The following FMNL2 variants were observed in gnomAD, a reference collection of about 807,000 sequenced individuals.
FMNL2 encodes formin like 2, also known as formin-like protein 2.
In FMNL2, 51 loss-of-function variants were observed where a neutral mutation model predicts 130.2. The ratio of observed to expected loss-of-function variants is 0.39; its 90% CI spans 0.31 to 0.49. FMNL2 has a LOEUF of 0.49. Ranked by LOEUF, FMNL2 falls within the 20% of genes least tolerant of loss-of-function variation. FMNL2 has a pLI of 0.85. For synonymous variants in FMNL2, 465 were observed against 467.1 expected (o/e 1.00, Z 0.06); for missense variants, 977 against 1,316.2 (o/e 0.74, Z 3.99).
chr2:152,488,728 C>T (rs1402112608), intron 1 of FMNL2, among the ~76,000 whole-genome samples: 3 of 152,136 alleles, frequency 2.0e-5, no homozygotes, highest in Non-Finnish European at 4.4e-5. Flanking sequence ...TGCCTTTGAG[C>T]TAAGTTAGAC....
At chr2:152,496,257 T>C (rs549069781) in intron 1 of FMNL2, among the ~76,000 whole-genome samples, 1 of 152,300 alleles carries the variant, frequency 6.6e-6, no homozygotes, top group African/African-American at 2.4e-5. Context: ...CTTTGTTCTT[T>C]ATGATTTTGA....
chr2:152,589,183 C>A (rs1697247561), intron 9 of FMNL2, among the ~76,000 whole-genome samples: 1 of 151,708 alleles, frequency 6.6e-6, no homozygotes, highest in Non-Finnish European at 1.5e-5. Context: ...ATCTGTTGTA[C>A]AAATGTAGAG....
At chr2:152,429,722 A>T (rs112996125) in intron 1 of FMNL2, among the ~76,000 whole-genome samples, 2,469 of 151,800 alleles carry the variant, frequency 0.016, 67 homozygotes, top group African/African-American at 0.057. Context: ...TTAGAAATTG[A>T]TGCTCTCAGA....
chr2:152,436,173 C>CTT (rs35939908), intron 1 of FMNL2, among the ~76,000 whole-genome samples: 124 of 146,792 alleles, frequency 8.4e-4, no homozygotes, highest in African/African-American at 2.9e-3. Context: ...TTTTATTTTT[C>CTT]TTTTTTTTTT....
intron 1 of FMNL2, among the ~76,000 whole-genome samples, chr2:152,364,261 GTTTTTTTTTTTTTTTT>G (rs869062341): frequency 1.2e-4 from 3 of 24,460 alleles, no homozygotes; most frequent in East Asian, 8.8e-4. Flanking sequence ...AGGTTTGTGT[GTTTTTTTTTTTTTTTT>G]TTTTTTTTTT....
At chr2:152,432,782 C>T (rs1032797842) in intron 1 of FMNL2, among the ~76,000 whole-genome samples, 1 of 152,216 alleles carries the variant, frequency 6.6e-6, no homozygotes, top group Non-Finnish European at 1.5e-5. Flanking sequence ...AGTAAGACAA[C>T]ATTGGAGGTA....
chr2:152,601,671 C>T (rs7426043), intron 9 of FMNL2, among the ~76,000 whole-genome samples: 21,842 of 103,088 alleles, frequency 0.21, 3,925 homozygotes, highest in African/African-American at 0.49. Flanking sequence ...TCTTTTCTTT[C>T]TTTTTTTTTT....
intron 1 of FMNL2, among the ~76,000 whole-genome samples, chr2:152,373,329 T>A (rs1361895119): frequency 6.6e-6 from 1 of 152,192 alleles, no homozygotes; most frequent in Non-Finnish European, 1.5e-5. Context: ...ACTGGGATAT[T>A]TTCTCCATGA....
intron 4 of FMNL2, among the ~76,000 whole-genome samples, chr2:152,555,325 T>A (rs1695145157): frequency 6.6e-6 from 1 of 152,226 alleles, no homozygotes; most frequent in Non-Finnish European, 1.5e-5. Context: ...CACACAGTGC[T>A]TCTTTCTCTT....
At chr2:152,632,607 AATC>A (rs2105937809) in intron 21 of FMNL2, among the ~76,000 whole-genome samples, 1 of 152,290 alleles carries the variant, frequency 6.6e-6, no homozygotes, top group East Asian at 1.9e-4. Flanking sequence ...TTGTCATTTA[AATC>A]ATCTGTGACT....
chr2:152,395,350 C>A (rs930621340), intron 1 of FMNL2, among the ~76,000 whole-genome samples: 1 of 152,186 alleles, frequency 6.6e-6, no homozygotes, highest in African/African-American at 2.4e-5. Context: ...AAGTTCTAGG[C>A]AAGAGATAGA....
intron 1 of FMNL2, among the ~76,000 whole-genome samples, chr2:152,413,296 A>G (rs1232810829): frequency 6.6e-6 from 1 of 152,162 alleles, no homozygotes; most frequent in Non-Finnish European, 1.5e-5. Context: ...TTGAGGAGTA[A>G]GAATTGTGCT....
intron 1 of FMNL2, among the ~76,000 whole-genome samples, chr2:152,490,736 GAAAAAAA>G (rs199564236): frequency 8.5e-6 from 1 of 117,032 alleles, no homozygotes; most frequent in African/African-American, 3.0e-5. Context: ...GGAGTTTAAG[GAAAAAAA>G]AAAAAAAGGA....
intron 1 of FMNL2, among the ~76,000 whole-genome samples, chr2:152,480,548 T>C (rs946512683): frequency 6.3e-5 from 9 of 143,926 alleles, no homozygotes; most frequent in African/African-American, 2.4e-4. Context: ...GACAGGAGAA[T>C]TGCTTGAACC....
chr2:152,622,592 G>A (rs1681426480), intron 15 of FMNL2: 1 of 456,434 alleles, frequency 2.2e-6, no homozygotes, highest in Non-Finnish European at 4.4e-6. Context: ...TTGAGTATTT[G>A]CCATGTGTTT....
intron 10 of FMNL2, among the ~76,000 whole-genome samples, chr2:152,610,451 C>T (rs1181618159): frequency 6.6e-6 from 1 of 152,170 alleles, no homozygotes; most frequent in African/African-American, 2.4e-5. Flanking sequence ...CATTGGCAGT[C>T]CCTCCCATTT....
At chr2:152,534,265 G>C (rs1474371604) in intron 2 of FMNL2, among the ~76,000 whole-genome samples, 1 of 152,148 alleles carries the variant, frequency 6.6e-6, no homozygotes, top group African/African-American at 2.4e-5. Context: ...AGCTTCTTTA[G>C]CTCCTCCCAT....
chr2:152,634,627 G>A (rs1330883065), intron 21 of FMNL2, among the ~76,000 whole-genome samples: 2 of 152,194 alleles, frequency 1.3e-5, no homozygotes, highest in Non-Finnish European at 2.9e-5. Context: ...AAAAGTTGTC[G>A]AGATGCTTGA....
chr2:152,500,435 G>T (rs1192334607), intron 1 of FMNL2, among the ~76,000 whole-genome samples: 1 of 152,070 alleles, frequency 6.6e-6, no homozygotes, highest in Non-Finnish European at 1.5e-5. Flanking sequence ...GCCATCTACC[G>T]GCTCAGAACG....
Sources: allele counts gnomAD v4.1 joint callset (sites outside exome capture counted in the v4.1 genomes callset), GRCh38; gene constraint gnomAD v4.1.1; transcripts MANE v1.5; gene names NCBI Gene and HGNC (gene_info 2026-07-23, HGNC 2026-07-21).